The following GADL1 variants were observed in gnomAD, a reference collection of about 807,000 sequenced individuals.
The protein encoded by GADL1 is acidic amino acid decarboxylase GADL1.
Under a neutral mutation model 69.5 loss-of-function variants are expected in GADL1, and 71 were observed. The ratio of observed to expected loss-of-function variants is 1.02; its 90% confidence interval spans 0.84 to 1.25. The LOEUF (loss-of-function observed/expected upper bound fraction) is 1.25. GADL1 is among the 50% of genes most tolerant of loss of function. The probability of loss-of-function intolerance (pLI) is 0.00; values close to 1 mark genes in which losing one functional copy is unlikely to be tolerated. For missense variants in GADL1, 737 were observed against 631.8 expected (o/e 1.17, Z -1.79); for synonymous variants, 254 against 214.4 (o/e 1.18, Z -1.62).
At chr3:30,734,818 C>T (rs1695517008) in intron 14 of GADL1, among the ~76,000 whole-genome samples, 2 of 152,124 alleles carry the variant, frequency 1.3e-5, no homozygotes, top group African/African-American at 4.8e-5. Flanking sequence ...TGCTTTTGTC[C>T]ATAGCCATAA....
At chr3:30,811,081 AG>A (rs1697343924) in intron 11 of GADL1, among the ~76,000 whole-genome samples, 1 of 152,150 alleles carries the variant, frequency 6.6e-6, no homozygotes, top group South Asian at 2.1e-4. Flanking sequence ...GGAAGATTCT[AG>A]AAAGCTTTAA....
At chr3:30,820,802 C>T (rs986817304) in intron 11 of GADL1, among the ~76,000 whole-genome samples, 5 of 151,648 alleles carry the variant, frequency 3.3e-5, no homozygotes, top group Admixed American at 1.3e-4. Flanking sequence ...TACCATTTGA[C>T]CCAGCCATCC....
chr3:30,815,721 G>C (rs1279842973), intron 11 of GADL1, among the ~76,000 whole-genome samples: 1 of 152,156 alleles, frequency 6.6e-6, no homozygotes, highest in Non-Finnish European at 1.5e-5. Flanking sequence ...AGGTTCCAAA[G>C]GGGATTAAAC....
At chr3:30,755,280 G>A (rs1695940830) in intron 14 of GADL1, among the ~76,000 whole-genome samples, 1 of 125,974 alleles carries the variant, frequency 7.9e-6, no homozygotes, top group African/African-American at 3.1e-5. Flanking sequence ...GAAACCATCA[G>A]CTTGATTTAT....
chr3:30,843,880 C>T (rs1213555257), intron 8 of GADL1, among the ~76,000 whole-genome samples: 3 of 152,116 alleles, frequency 2.0e-5, no homozygotes, highest in Non-Finnish European at 1.5e-5. Context: ...AGGCTAGGGC[C>T]CTGCTGGAGA....
chr3:30,816,157 A>G (rs1453970751), intron 11 of GADL1, among the ~76,000 whole-genome samples: 1 of 152,142 alleles, frequency 6.6e-6, no homozygotes, highest in Non-Finnish European at 1.5e-5. Flanking sequence ...TGGCTCCACC[A>G]TTAGAGGAAT....
rs1335937446 is a variant in GADL1, at chr3:30,838,452, C to T, written c.903+545G>A. Among the ~76,000 whole-genome samples the T allele has an allele frequency of 2.6e-5, 4 of 152,030 alleles. No individual in the cohort carries two copies. In the South Asian group the frequency reaches 8.3e-4, roughly 32 times the overall value. On this transcript the variant is annotated intron_variant, in intron 9 of 14. Transcript: ENST00000282538. ...ATAATGGAGTATATTATCCCAACCC[C>T]CCTCAAATAACTATCTGATAGATCC...
intron 11 of GADL1, among the ~76,000 whole-genome samples, chr3:30,822,636 T>C (rs1376552116): frequency 1.3e-5 from 2 of 152,060 alleles, no homozygotes; most frequent in Admixed American, 6.6e-5. Flanking sequence ...GTTTTACAAC[T>C]AATTTTCGCA....
chr3:30,794,254 C>G (rs1390186156), intron 12 of GADL1, among the ~76,000 whole-genome samples: 2 of 151,640 alleles, frequency 1.3e-5, no homozygotes, highest in Non-Finnish European at 2.9e-5. Context: ...ATAAATGATA[C>G]TCTGGAGACC....
chr3:30,833,867 CAAG>C lies in GADL1; in HGVS notation c.1033_1035del (p.Leu345del). 1.2e-6 allele frequency: 2 copies of C among 1,612,174 alleles called. No homozygotes were observed. Among genetic ancestry groups the C allele is most frequent in the Non-Finnish European group, 1.7e-6 (2 of 1,178,708 alleles). ...GGAAAACTTACAGATTTGTCTTTCA[CAAG>C]GAGAGCACAGCACTGGATCCCAGCC... is the stretch of plus-strand genomic sequence containing the variant. On this transcript the variant is annotated inframe_deletion, in exon 11 of 15. Coordinates refer to ENST00000282538, the MANE Select transcript of GADL1 (RefSeq NM_207359.3).
chr3:30,811,297 A>G (rs192929777), intron 11 of GADL1, among the ~76,000 whole-genome samples: 150 of 152,308 alleles, frequency 9.8e-4, no homozygotes, highest in Non-Finnish European at 1.6e-3. Flanking sequence ...AACGCTGCCT[A>G]CAAGAGAGGA....
chr3:30,788,430 G>A (rs533646607), intron 12 of GADL1, among the ~76,000 whole-genome samples: 15 of 152,162 alleles, frequency 9.9e-5, no homozygotes, highest in African/African-American at 2.7e-4. Flanking sequence ...GCTAAAAAGC[G>A]CTAAGGATTA....
At chr3:30,750,914 CAG>C (rs1695800336) in intron 14 of GADL1, among the ~76,000 whole-genome samples, 1 of 151,906 alleles carries the variant, frequency 6.6e-6, no homozygotes, top group Non-Finnish European at 1.5e-5. Flanking sequence ...TTTTGAAAGA[CAG>C]AGGACATTAT....
At chr3:30,811,404 G>A (rs1452730912) in intron 11 of GADL1, among the ~76,000 whole-genome samples, 3 of 152,142 alleles carry the variant, frequency 2.0e-5, no homozygotes, top group African/African-American at 4.8e-5. Context: ...ACCTCTGCAT[G>A]CCCTACAAGC....
chr3:30,734,620 A>C (rs1695513828), intron 14 of GADL1, among the ~76,000 whole-genome samples: 1 of 152,186 alleles, frequency 6.6e-6, no homozygotes, highest in South Asian at 2.1e-4. Flanking sequence ...TATATAAAAA[A>C]ATTTTTGTGG....
At chr3:30,864,170 G>A (rs1004173059) in intron 1 of GADL1, among the ~76,000 whole-genome samples, 1 of 151,984 alleles carries the variant, frequency 6.6e-6, no homozygotes, top group Non-Finnish European at 1.5e-5. Flanking sequence ...TAAAAATAGA[G>A]TAAGAAAGAG....
intron 8 of GADL1, among the ~76,000 whole-genome samples, chr3:30,839,598 G>C (rs1697934342): frequency 6.6e-6 from 1 of 150,788 alleles, no homozygotes; most frequent in Non-Finnish European, 1.5e-5. Flanking sequence ...AGTAAGTGCA[G>C]TTATAAAACA....
intron 9 of GADL1, among the ~76,000 whole-genome samples, chr3:30,836,735 G>A (rs1697881090): frequency 7.0e-6 from 1 of 143,660 alleles, no homozygotes; most frequent in Admixed American, 6.7e-5. Flanking sequence ...ATGAGGAATG[G>A]GTGAGAGAAT....
At chr3:30,825,807 C>A (rs1697672056) in intron 11 of GADL1, among the ~76,000 whole-genome samples, 1 of 151,820 alleles carries the variant, frequency 6.6e-6, no homozygotes, top group Non-Finnish European at 1.5e-5. Context: ...AGCATTACAA[C>A]AAATACCTAA....
Sources: allele counts gnomAD v4.1 joint callset (sites outside exome capture counted in the v4.1 genomes callset), GRCh38; gene constraint gnomAD v4.1.1; transcripts MANE v1.5; gene names NCBI Gene and HGNC (gene_info 2026-07-23, HGNC 2026-07-21).